The following URB2 variants were observed in gnomAD, a reference collection of about 807,000 sequenced individuals.
URB2 encodes the protein unhealthy ribosome biogenesis protein 2 homolog.
In URB2, 86 loss-of-function variants were observed where a neutral mutation model predicts 120.9. That is an observed-to-expected ratio of 0.71 (90% CI 0.60 to 0.85). The LOEUF (loss-of-function observed/expected upper bound fraction) is 0.85, where lower values mean the gene tolerates loss of function less well. URB2 is among the 40% of genes least tolerant of loss of function. The pLI, the probability that URB2 is intolerant of heterozygous loss-of-function variation, is 0.00. For missense variants in URB2, 1,765 were observed against 1,836.5 expected, an observed-to-expected ratio of 0.96 and a Z score of 0.71; for synonymous variants, 755 against 758.4, an observed-to-expected ratio of 1.00 and a Z score of 0.07.
At position 229,636,739 on chromosome 1, in the gene URB2, G is replaced by T. The variant is rs1168781859; in HGVS notation, c.2126G>T (p.Gly709Val). The change falls in exon 4 of 10, where the codon GGT becomes GTT. Residue 709 changes from glycine to valine, a missense_variant. Coordinates refer to ENST00000258243, the MANE Select transcript of URB2 (RefSeq NM_014777.4). ...AGGTGCGATGCTGCCTTTATTATTG[G>T]TTCCGGCAGAAAAAGCTTGAATCAG... ...SLRCDAAFII[G>V]SGRKSLNQRT... 6.2e-7 allele frequency: 1 copy of T among 1,612,254 alleles called. No homozygotes were observed. Among genetic ancestry groups the T allele is most frequent in the Non-Finnish European group, 8.5e-7 (1 of 1,179,066 alleles).
intron 9 of URB2, 106 bp downstream of exon 9, chr1:229,654,494 T>C: frequency 1.3e-6 from 2 of 1,515,394 alleles, no homozygotes; most frequent in Non-Finnish European, 1.8e-6. Context: ...CAGTTCTCTG[T>C]TGCTGTGTGC....
chr1:229,632,278 G>C lies in URB2; in HGVS notation c.136G>C (p.Asp46His), dbSNP rs1286091094. 2 of 1,548,676 alleles carry C rather than the reference G, an allele frequency of 1.3e-6. No homozygotes were observed. The highest frequency in any genetic ancestry group is 8.6e-7 in the Non-Finnish European group (1 of 1,156,994). Reference protein sequence around the residue: ...FLPNKEQVLLDWARQSLVAFY... With the variant: ...FLPNKEQVLLHWARQSLVAFY... ...TGTCCTTCAAATTCAGGTGTTACTT[G>C]ATTGGGCAAGACAATCATTGGTTGC... The change falls in exon 3 of 10, where the codon GAT becomes CAT. Residue 46 changes from aspartate to histidine, a missense_variant. By Grantham distance (81) the Asp-to-His change is moderately conservative. Coordinates refer to ENST00000258243, the MANE Select transcript of URB2 (RefSeq NM_014777.4).
intron 4 of URB2, among the ~76,000 whole-genome samples, chr1:229,641,081 C>T (rs1333076385): frequency 1.4e-5 from 2 of 146,368 alleles, no homozygotes; most frequent in African/African-American, 2.6e-5. Context: ...GGCCCGGTCT[C>T]GGCTCACTGC....
intron 9 of URB2, among the ~76,000 whole-genome samples, chr1:229,657,763 C>G (rs1159671182): frequency 6.6e-6 from 1 of 152,164 alleles, no homozygotes; most frequent in African/African-American, 2.4e-5. Context: ...AATTTCTGAA[C>G]TATTACATGA....
At chr1:229,654,555 C>T (rs374346686) in intron 9 of URB2, among the ~76,000 whole-genome samples, 167 bp downstream of exon 9, 1 of 152,082 alleles carries the variant, frequency 6.6e-6, no homozygotes, top group African/African-American at 2.4e-5. Flanking sequence ...TGCATTAGTG[C>T]GATGATAGCA....
chr1:229,658,220 A>C (rs2102803677), intron 9 of URB2, among the ~76,000 whole-genome samples: 1 of 152,314 alleles, frequency 6.6e-6, no homozygotes, highest in African/African-American at 2.4e-5. Context: ...CATTTAGTTG[A>C]AACCTGAATG....
intron 8 of URB2, 93 bp downstream of exon 8, chr1:229,651,415 CTT>C (rs1666270959): frequency 1.9e-6 from 2 of 1,032,768 alleles, no homozygotes; most frequent in Non-Finnish European, 2.7e-6. Context: ...AAACTACTCA[CTT>C]GTGTTTAAAT....
chr1:229,654,408 C>A lies in URB2; in HGVS notation c.4377+20C>A. 6.2e-7 allele frequency: 1 copy of A among 1,614,106 alleles called. No individual in the cohort carries two copies. Among genetic ancestry groups the A allele is most frequent in the South Asian group, 1.1e-5 (1 of 91,072 alleles). On this transcript the variant is annotated intron_variant, in intron 9 of 9. Transcript: ENST00000258243. ...CAGAAGGTAAAATTGGGTTCAATGT[C>A]TTTCACCAAGTACTGTGTTTATGGT... is the stretch of plus-strand genomic sequence containing the variant.
rs1666266510 is a variant in URB2 at position 229,651,286 on chromosome 1, T to G, written c.4201T>G (p.Phe1401Val). The change falls in exon 8 of 10, where the codon TTT (phenylalanine) becomes GTT (valine). Residue 1401 changes from phenylalanine (F) to valine (V), a missense_variant. Coordinates refer to ENST00000258243, the MANE Select transcript of URB2 (RefSeq NM_014777.4). Reference sequence around the variant, plus strand: ...CTTGAACTCTTTCAATAGATTGGTGTTTTCAGTTATGCGGGAAGGGCGGCA... The same window carrying G: ...CTTGAACTCTTTCAATAGATTGGTGGTTTCAGTTATGCGGGAAGGGCGGCA... Reference protein sequence around the residue: ...SFLNSFNRLVFSVMREGRQKD... With the variant: ...SFLNSFNRLVVSVMREGRQKD... The G allele has an allele frequency of 6.2e-7, 1 of 1,612,512 alleles. No individual in the cohort carries two copies.
chr1:229,646,968 C>T (rs1388977450), intron 6 of URB2, among the ~76,000 whole-genome samples: 4 of 152,262 alleles, frequency 2.6e-5, no homozygotes, highest in East Asian at 1.9e-4. Context: ...CCTGAGCATC[C>T]GTGTTGGTGG....
chr1:229,643,648 T>C lies in URB2; in HGVS notation c.3750T>C (p.Ile1250=). 1.2e-6 allele frequency: 2 copies of C among 1,614,216 alleles called. No homozygotes were observed. The highest frequency in any genetic ancestry group is 1.7e-6 in the Non-Finnish European group (2 of 1,180,040). ...ACTTGAGGCTGGTGATGCAGTGTAT[T>C]CTCCAGGGACTGGATGTCAGTAACA... The part of the protein sequence containing the change: ...TEDLRLVMQC[I]LQGLDVSNMW... The change falls in exon 5 of 10, where the codon ATT becomes ATC. Residue 1250 remains isoleucine, a synonymous_variant. Transcript: ENST00000258243.
intron 6 of URB2, 41 bp from the exon 7 acceptor site, chr1:229,647,469 G>A: frequency 6.3e-7 from 1 of 1,593,692 alleles, no homozygotes; most frequent in Non-Finnish European, 8.6e-7. Flanking sequence ...TTTCCTTGGG[G>A]AATTACTTTC....
Position 229,636,246 on chromosome 1 carries a change from C to G in URB2, c.1633C>G (p.Leu545Val). Reference sequence around the variant, plus strand: ...CCTGAAATCACTGTCACTGAGCTTGCTGCTGCACTGCATCATGTTCAACAT... The same window carrying G: ...CCTGAAATCACTGTCACTGAGCTTGGTGCTGCACTGCATCATGTTCAACAT... ...MALKSLSLSL[L>V]LHCIMFNMRS... The change falls in exon 4 of 10, where the codon CTG becomes GTG. Residue 545 changes from leucine (L) to valine (V), a missense_variant. Coordinates refer to ENST00000258243, the MANE Select transcript of URB2 (RefSeq NM_014777.4). 1 of 1,613,832 alleles carries G rather than the reference C, an allele frequency of 6.2e-7. No individual in the cohort carries two copies. The highest frequency in any genetic ancestry group is 8.5e-7 in the Non-Finnish European group (1 of 1,179,736).
chr1:229,647,495 T>G lies in URB2; in HGVS notation c.3907-15T>G. 2 of 1,607,450 alleles carry G rather than the reference T, an allele frequency of 1.2e-6. No individual in the cohort carries two copies. The highest frequency in any genetic ancestry group is 2.2e-5 in the South Asian group (2 of 90,866). On this transcript the variant is annotated splice_polypyrimidine_tract_variant and intron_variant, in intron 6 of 9. Coordinates refer to ENST00000258243, the MANE Select transcript of URB2 (RefSeq NM_014777.4). ...AATTACTTTCATTTTTCCTTTATTT[T>G]ATTTTGCCCTTTAGCTCTTAAACCG...
At position 229,634,823 on chromosome 1, in the gene URB2, G is replaced by T; in HGVS notation, c.304-94G>T. ...TTCTTTCTTACCAAGATGAGGGAAAGGGGTGAGTTTGTTGATTTTTTTTTT... is the reference window on the plus strand; with the variant it reads ...TTCTTTCTTACCAAGATGAGGGAAATGGGTGAGTTTGTTGATTTTTTTTTT... On this transcript the variant is annotated intron_variant, in intron 3 of 9. Transcript: ENST00000258243. 2.6e-6 allele frequency: 3 copies of T among 1,155,114 alleles called. No individual in the cohort carries two copies. The South Asian group carries it at 7.4e-5, about 29-fold the overall frequency. The allele number at this position is 1,155,114 out of a possible 1,614,324, so 71.6% of individuals were successfully genotyped here.
At chr1:229,640,003 A>G (rs1011586374) in intron 4 of URB2, among the ~76,000 whole-genome samples, 3 of 152,244 alleles carry the variant, frequency 2.0e-5, no homozygotes, top group Non-Finnish European at 2.9e-5. Context: ...AAAGTACAGT[A>G]TGAAATGTTA....
intron 3 of URB2, among the ~76,000 whole-genome samples, chr1:229,634,657 G>A (rs1176377868): frequency 6.6e-6 from 1 of 152,172 alleles, no homozygotes; most frequent in African/African-American, 2.4e-5. Context: ...AAAAGGGACA[G>A]CAAATTTACA....
In URB2 at chr1:229,635,169, C is replaced by T. The variant is rs990249461; in HGVS notation, c.556C>T (p.Gln186Ter). Residue 186 changes from glutamine to a stop codon, truncating the protein, a stop_gained, in exon 4 of 10, where the codon CAG becomes TAG. Coordinates refer to ENST00000258243, the MANE Select transcript of URB2 (RefSeq NM_014777.4). LOFTEE classifies it high-confidence loss of function. ...TGGCCATTATCTCTTGATCCTGCAG[C>T]AGCAGGTCAACCCAAGACGTGCCTT... ...ALGHYLLILQ[Q>*]QVNPRRAFGD... 3.1e-6 allele frequency: 5 copies of T among 1,614,208 alleles called. No homozygotes were observed. The highest frequency in any genetic ancestry group is 1.6e-4 in the Middle Eastern group (1 of 6,062).
intron 4 of URB2, among the ~76,000 whole-genome samples, chr1:229,640,944 C>A (rs1005207459): frequency 6.6e-6 from 1 of 151,904 alleles, no homozygotes; most frequent in Non-Finnish European, 1.5e-5. Flanking sequence ...TGCCCTGTGC[C>A]CCTTAGCTAA....
Sources: allele counts gnomAD v4.1 joint callset (sites outside exome capture counted in the v4.1 genomes callset), GRCh38; gene constraint gnomAD v4.1.1; transcripts MANE v1.5; gene names NCBI Gene and HGNC (gene_info 2026-07-23, HGNC 2026-07-21).